Variants in SS18L1 observed in about 807,000 individuals in gnomAD.
SS18L1 encodes the protein SS18L1 subunit of BAF chromatin remodeling complex, also known as calcium-responsive transactivator.
In SS18L1, 32 loss-of-function variants were observed where a neutral mutation model predicts 70.3. The ratio of observed to expected loss-of-function variants is 0.46; its 90% CI spans 0.34 to 0.61. The LOEUF is 0.61. Among genes scored for constraint, SS18L1 ranks in the 20% least tolerant of loss-of-function variants. The pLI is 0.01. For synonymous variants in SS18L1, 237 were observed against 229.7 expected, an observed-to-expected ratio of 1.03 and a Z score of -0.29; for missense variants, 430 against 542.1, an observed-to-expected ratio of 0.79 and a Z score of 2.05.
Position 62,159,570 on chromosome 20 carries a change from C to T in SS18L1, c.147-307C>T, listed in dbSNP as rs2057287407. Among the ~76,000 whole-genome samples, 1 of 152,188 alleles carries T rather than the reference C, an allele frequency of 6.6e-6. No homozygotes were observed. The highest frequency in any genetic ancestry group is 2.1e-4 in the South Asian group (1 of 4,834). ...CCCCTGCCTCCTCGTGGCCTCCCCCCATCTCTATCCTCTGAACAGACCAAT... is the reference window on the plus strand; with the variant it reads ...CCCCTGCCTCCTCGTGGCCTCCCCCTATCTCTATCCTCTGAACAGACCAAT... On this transcript the variant is annotated intron_variant, in intron 2 of 10. Coordinates refer to ENST00000331758, the MANE Select transcript of SS18L1 (RefSeq NM_198935.3). This position sits in a 1 kb window ranked among gnomAD's most constrained non-coding sequence, Gnocchi z 4.4.
intron 1 of SS18L1, among the ~76,000 whole-genome samples, chr20:62,145,875 T>C (rs1263306522): frequency 6.6e-6 from 1 of 152,236 alleles, no homozygotes; most frequent in Non-Finnish European, 1.5e-5. Flanking sequence ...AGACGTGTGC[T>C]GTGTCCACAG....
chr20:62,154,510 G>A (rs1377881074), intron 1 of SS18L1: 2 of 1,018,324 alleles, frequency 2.0e-6, no homozygotes, highest in East Asian at 6.6e-5. Context: ...CCAGGCCATC[G>A]GCCCCCCAGA....
chr20:62,175,985 C>T lies in SS18L1; in HGVS notation c.1164+1341C>T, dbSNP rs569189727. 1.6e-4 allele frequency among the ~76,000 whole-genome samples: 24 copies of T among 152,334 alleles called. 1 individual carries two copies. In the South Asian group the frequency reaches 2.7e-3, roughly 17 times the overall value. On this transcript the variant is annotated intron_variant, in intron 10 of 10. Coordinates refer to ENST00000331758, the MANE Select transcript of SS18L1 (RefSeq NM_198935.3). Reference sequence around the variant, plus strand: ...CCAGTGTGTGCTGGGCGCTGGTCAGCGGGGAGCAGGCCCCAGCTTGGCCCT... The same window carrying T: ...CCAGTGTGTGCTGGGCGCTGGTCAGTGGGGAGCAGGCCCCAGCTTGGCCCT...
At chr20:62,147,363 C>CT (rs1568733966) in intron 1 of SS18L1, among the ~76,000 whole-genome samples, 1 of 152,080 alleles carries the variant, frequency 6.6e-6, no homozygotes, top group Admixed American at 6.5e-5. Context: ...GGCCCTGGGC[C>CT]TGGCTGGGTG....
rs374034023 is a variant in SS18L1, at chr20:62,172,797, C to A, written c.1032C>A (p.Gly344=). 8 of 1,612,868 alleles carry A rather than the reference C, an allele frequency of 5.0e-6. No individual in the cohort carries two copies. The highest frequency in any genetic ancestry group is 3.3e-5 in the Admixed American group (2 of 59,946). Residue 344 remains glycine (G), a synonymous_variant, in exon 9 of 11, where the codon GGC becomes GGA. Transcript: ENST00000331758. ...SQQSYPGQQQ[G]YGSAQGAPSQ... ...AGAGCTACCCCGGGCAGCAGCAGGG[C>A]TACGGTAAGAGGCGAGCACGGTCCT...
chr20:62,150,565 A>G (rs778546352), intron 1 of SS18L1, among the ~76,000 whole-genome samples: 5 of 149,112 alleles, frequency 3.4e-5, no homozygotes, highest in African/African-American at 7.3e-5. Context: ...ATGTCTGTCC[A>G]AGCAGACAGA....
rs1445664349 is a variant in SS18L1, at chr20:62,162,876, A to G, written c.501A>G (p.Gln167=). The G allele has an allele frequency of 6.2e-7, 1 of 1,612,902 alleles. No homozygotes were observed. Among genetic ancestry groups the G allele is most frequent in the Non-Finnish European group, 8.5e-7 (1 of 1,179,952 alleles). Reference sequence around the variant, plus strand: ...CGCAGGGCGTCCCCATGCAGGGGCAAGGCACCATCGGCAACTACGTGTCTC... The same window carrying G: ...CGCAGGGCGTCCCCATGCAGGGGCAGGGCACCATCGGCAACTACGTGTCTC... ...PASQGVPMQG[Q]GTIGNYVSRT... Residue 167 remains glutamine (Q), a synonymous_variant, in exon 5 of 11, where the codon CAA becomes CAG. Coordinates refer to ENST00000331758, the MANE Select transcript of SS18L1 (RefSeq NM_198935.3).
rs943240887 is a variant in SS18L1, at chr20:62,180,450, T to C, written c.*1242T>C. The C allele has an allele frequency of 5.4e-6, 1 of 183,514 alleles. No individual in the cohort carries two copies. Among genetic ancestry groups the C allele is most frequent in the African/African-American group, 2.3e-5 (1 of 42,618 alleles). The allele number at this position is 183,514 out of a possible 1,614,324, so 11.4% of individuals were successfully genotyped here. A position where few individuals can be genotyped will look rare whatever the true frequency, so the allele number is the denominator to read the frequency against. ...TCAACCTTTAGTTGGAATAATAATA[T>C]TCATATTTGCTATGAATCCTTTTAA... is the stretch of plus-strand genomic sequence containing the variant. On this transcript the variant is annotated 3_prime_UTR_variant, in exon 11 of 11. Coordinates refer to ENST00000331758, the MANE Select transcript of SS18L1 (RefSeq NM_198935.3).
At chr20:62,155,028 T>G (rs1194609834) in intron 1 of SS18L1, among the ~76,000 whole-genome samples, 1 of 152,202 alleles carries the variant, frequency 6.6e-6, no homozygotes, top group Non-Finnish European at 1.5e-5. Flanking sequence ...CATCATCTTC[T>G]TTTCTGGGGC....
chr20:62,149,383 C>T (rs2057088087), intron 1 of SS18L1, among the ~76,000 whole-genome samples: 1 of 152,216 alleles, frequency 6.6e-6, no homozygotes, highest in Non-Finnish European at 1.5e-5. Flanking sequence ...GAAGGGGGCT[C>T]CTGTGACACT....
At chr20:62,148,059 T>C (rs1008738648) in intron 1 of SS18L1, among the ~76,000 whole-genome samples, 1 of 152,196 alleles carries the variant, frequency 6.6e-6, no homozygotes, top group Admixed American at 6.5e-5. Flanking sequence ...CTCCCTTGCA[T>C]GTGGCTGATT....
Position 62,172,626 on chromosome 20 carries a change from T to C in SS18L1, c.917-56T>C, listed in dbSNP as rs1447838173. The C allele has an allele frequency of 3.7e-6, 6 of 1,606,102 alleles. No individual in the cohort carries two copies. In the East Asian group the frequency reaches 1.1e-4, roughly 30 times the overall value. On this transcript the variant is annotated intron_variant, in intron 8 of 10. Coordinates refer to ENST00000331758, the MANE Select transcript of SS18L1 (RefSeq NM_198935.3). ...ACCGTGTCGTGAGTGGGCCACAGAATGAGCCCCCTTAGCCCAGGTGGGGAA... is the reference window on the plus strand; with the variant it reads ...ACCGTGTCGTGAGTGGGCCACAGAACGAGCCCCCTTAGCCCAGGTGGGGAA...
chr20:62,148,148 A>G (rs753622531), intron 1 of SS18L1, among the ~76,000 whole-genome samples: 9 of 152,078 alleles, frequency 5.9e-5, no homozygotes, highest in Non-Finnish European at 1.0e-4. Context: ...ATCCGCAGGG[A>G]TAGGGGGGTT....
chr20:62,163,662 G>T, intron 6 of SS18L1, 40 bp downstream of exon 6: 2 of 1,498,026 alleles, frequency 1.3e-6, no homozygotes, highest in Non-Finnish European at 8.9e-7. Flanking sequence ...ACAGCTGACC[G>T]CCGCGGGTCG....
At chr20:62,178,878 A>C (rs559944170) in intron 10 of SS18L1, among the ~76,000 whole-genome samples, 1 of 152,318 alleles carries the variant, frequency 6.6e-6, no homozygotes, top group African/African-American at 2.4e-5. Flanking sequence ...CAGTGGGGCC[A>C]GCTTGGAGGA....
intron 1 of SS18L1, among the ~76,000 whole-genome samples, chr20:62,152,853 G>T (rs1387969208): frequency 6.6e-6 from 1 of 152,196 alleles, no homozygotes; most frequent in Non-Finnish European, 1.5e-5. Flanking sequence ...CTCCAGAGTG[G>T]GGGCCACAGC....
In SS18L1 at chr20:62,174,882, T is replaced by C. The variant is rs958251089; in HGVS notation, c.1164+238T>C. On this transcript the variant is annotated intron_variant, in intron 10 of 10. Transcript: ENST00000331758. This position sits in a 1 kb window ranked among gnomAD's most constrained non-coding sequence, Gnocchi z 4.1. Reference sequence around the variant, plus strand: ...AAGCTCACCGTTAGATCTGCACGCCTGGTTCTCACATTCATTCACTCTGCC... The same window carrying C: ...AAGCTCACCGTTAGATCTGCACGCCCGGTTCTCACATTCATTCACTCTGCC... 2.0e-6 allele frequency: 2 copies of C among 985,364 alleles called. No individual in the cohort carries two copies. The highest frequency in any genetic ancestry group is 2.4e-6 in the Non-Finnish European group (2 of 829,954). The allele number at this position is 985,364 out of a possible 1,614,324, so 61.0% of individuals were successfully genotyped here.
At chr20:62,169,846 A>G (rs1178318951) in intron 8 of SS18L1, among the ~76,000 whole-genome samples, 1 of 107,370 alleles carries the variant, frequency 9.3e-6, no homozygotes, top group Non-Finnish European at 1.8e-5. Context: ...ATGGCTGTCC[A>G]CACCGTCCAC....
Position 62,163,502 on chromosome 20 carries a change from G to T in SS18L1, c.601G>T (p.Ala201Ser). 2 of 1,612,118 alleles carry T rather than the reference G, an allele frequency of 1.2e-6. No homozygotes were observed. Among genetic ancestry groups the T allele is most frequent in the South Asian group, 1.1e-5 (1 of 91,066 alleles). ...GGCGGCCACGTCGCACTACAGCTCGGCGCAGGGCGGCAGCCAGCACTACCA... is the reference window on the plus strand; with the variant it reads ...GGCGGCCACGTCGCACTACAGCTCGTCGCAGGGCGGCAGCCAGCACTACCA... ...QQAATSHYSS[A>S]QGGSQHYQGQ... The change falls in exon 6 of 11, where the codon GCG (alanine) becomes TCG (serine). Residue 201 changes from alanine (A) to serine (S), a missense_variant. Ala to Ser is a moderately conservative substitution (Grantham distance 99). Transcript: ENST00000331758.
Sources: gnomAD v4.1 joint callset for allele counts (sites outside exome capture counted in the v4.1 genomes callset) on GRCh38, gnomAD v4.1.1 for gene constraint, Gnocchi (gnomAD v3.1) non-coding constraint, MANE v1.5 for transcripts, NCBI Gene and HGNC (gene_info 2026-07-23, HGNC 2026-07-21) for gene names.